The following TRABD2B variants were observed in gnomAD, a reference collection of about 807,000 sequenced individuals.
The protein encoded by TRABD2B is TraB domain containing 2B.
Under a neutral mutation model 40.1 loss-of-function variants are expected in TRABD2B, and 14 were observed. The ratio of observed to expected loss-of-function variants is 0.35; its 90% CI spans 0.23 to 0.55. The LOEUF (loss-of-function observed/expected upper bound fraction) is 0.55. Among genes scored for constraint, TRABD2B ranks in the 20% least tolerant of loss-of-function variants. The probability of loss-of-function intolerance (pLI) is 0.90; values close to 1 mark genes in which losing one functional copy is unlikely to be tolerated. For missense variants in TRABD2B, 541 were observed against 648.6 expected, an observed-to-expected ratio of 0.83 and a Z score of 1.80; for synonymous variants, 263 against 277.0, an observed-to-expected ratio of 0.95 and a Z score of 0.50.
chr1:47,933,513 C>T (rs1645068358), intron 2 of TRABD2B, among the ~76,000 whole-genome samples: 1 of 152,186 alleles, frequency 6.6e-6, no homozygotes, highest in Non-Finnish European at 1.5e-5. Flanking sequence ...TGTTACTCAG[C>T]TTTATATCTT....
intron 2 of TRABD2B, among the ~76,000 whole-genome samples, chr1:47,936,659 C>T (rs1645110452): frequency 1.3e-5 from 2 of 152,186 alleles, no homozygotes; most frequent in Admixed American, 6.5e-5. Context: ...AAACCTATTG[C>T]ACTCTCCTTG....
intron 2 of TRABD2B, among the ~76,000 whole-genome samples, chr1:47,978,739 G>A (rs576233690): frequency 2.6e-5 from 4 of 152,240 alleles, no homozygotes; most frequent in African/African-American, 7.2e-5. Flanking sequence ...CAGAGCTGAC[G>A]CCACTTCACA....
intron 5 of TRABD2B, 65 bp from the exon 6 acceptor site, chr1:47,775,504 T>C: frequency 8.2e-7 from 1 of 1,224,590 alleles, no homozygotes; most frequent in Non-Finnish European, 1.0e-6. Flanking sequence ...GTGGTGGGAA[T>C]ACAGTCCAAT....
intron 2 of TRABD2B, among the ~76,000 whole-genome samples, chr1:47,854,633 A>G (rs1234299358): frequency 6.6e-6 from 1 of 152,186 alleles, no homozygotes; most frequent in Non-Finnish European, 1.5e-5. Context: ...AGTGCTTTAG[A>G]CCCTGCTAGG....
intron 2 of TRABD2B, among the ~76,000 whole-genome samples, chr1:47,957,739 T>C (rs975053963): frequency 1.3e-5 from 2 of 152,202 alleles, no homozygotes; most frequent in African/African-American, 2.4e-5. Flanking sequence ...CTGATTGGTG[T>C]ACCTGAAAGT....
chr1:47,771,480 G>A (rs1382890675), intron 6 of TRABD2B, among the ~76,000 whole-genome samples: 2 of 152,196 alleles, frequency 1.3e-5, no homozygotes, highest in Non-Finnish European at 2.9e-5. Context: ...AGATGGCCCA[G>A]ACATTCTGCT....
intron 4 of TRABD2B, among the ~76,000 whole-genome samples, chr1:47,786,180 A>G (rs999065813): frequency 1.3e-5 from 2 of 152,230 alleles, no homozygotes; most frequent in African/African-American, 4.8e-5. Flanking sequence ...AAGTGAAGCA[A>G]CTGATCTGCC....
intron 2 of TRABD2B, among the ~76,000 whole-genome samples, chr1:47,836,951 T>C (rs1055826538): frequency 1.3e-5 from 2 of 152,254 alleles, no homozygotes; most frequent in African/African-American, 4.8e-5. Flanking sequence ...ACCCAGTCTA[T>C]GGCATTTAGG....
intron 2 of TRABD2B, among the ~76,000 whole-genome samples, chr1:47,817,913 G>A (rs541820120): frequency 2.4e-4 from 37 of 152,320 alleles, no homozygotes; most frequent in African/African-American, 8.4e-4. Flanking sequence ...CGTTTGAAGG[G>A]GATCAGGTTC....
intron 4 of TRABD2B, 96 bp downstream of exon 4, chr1:47,794,490 G>T: frequency 7.4e-7 from 1 of 1,351,968 alleles, no homozygotes; most frequent in Non-Finnish European, 9.7e-7. Context: ...CCCATCCTGG[G>T]CCTCGACTTC....
At chr1:47,923,557 T>C (rs1445456821) in intron 2 of TRABD2B, among the ~76,000 whole-genome samples, 1 of 152,226 alleles carries the variant, frequency 6.6e-6, no homozygotes, top group East Asian at 1.9e-4. Flanking sequence ...TGATGGTTAA[T>C]TTTATGTGTC....
chr1:47,932,931 T>C (rs1645058314), intron 2 of TRABD2B, among the ~76,000 whole-genome samples: 1 of 152,182 alleles, frequency 6.6e-6, no homozygotes, highest in Non-Finnish European at 1.5e-5. Context: ...TCCCAGAACG[T>C]GAGCTTGGGT....
chr1:47,766,578 G>A (rs983911347), intron 6 of TRABD2B, among the ~76,000 whole-genome samples: 1 of 152,194 alleles, frequency 6.6e-6, no homozygotes, highest in South Asian at 2.1e-4. Flanking sequence ...ACCGCTTGTT[G>A]AGCATCCATC....
intron 2 of TRABD2B, among the ~76,000 whole-genome samples, chr1:47,845,189 C>A (rs7548282): frequency 0.032 from 4,863 of 152,212 alleles, 273 homozygotes; most frequent in African/African-American, 0.11. Flanking sequence ...CCTTCCCACC[C>A]CTTTTTCTGC....
intron 2 of TRABD2B, among the ~76,000 whole-genome samples, chr1:47,823,673 G>A (rs1476981907): frequency 6.6e-6 from 1 of 152,160 alleles, no homozygotes; most frequent in African/African-American, 2.4e-5. Flanking sequence ...GTGAGAGAGA[G>A]GCCTTCAGCC....
At chr1:47,852,729 A>C (rs1021125805) in intron 2 of TRABD2B, among the ~76,000 whole-genome samples, 4 of 152,184 alleles carry the variant, frequency 2.6e-5, no homozygotes, top group Non-Finnish European at 5.9e-5. Context: ...CCCATTCTGC[A>C]GATGAAGAAA....
chr1:47,867,266 G>GA (rs900162430), intron 2 of TRABD2B, among the ~76,000 whole-genome samples: 1 of 152,040 alleles, frequency 6.6e-6, no homozygotes, highest in Non-Finnish European at 1.5e-5. Context: ...ACAAAGTGGG[G>GA]AAAAAAATGG....
intron 2 of TRABD2B, among the ~76,000 whole-genome samples, chr1:47,863,474 T>A (rs1003788991): frequency 2.0e-5 from 3 of 147,908 alleles, no homozygotes; most frequent in African/African-American, 5.0e-5. Flanking sequence ...CACCAAAGAA[T>A]GTACAGATGA....
intron 2 of TRABD2B, among the ~76,000 whole-genome samples, chr1:47,908,338 T>C (rs989442586): frequency 2.0e-5 from 3 of 152,178 alleles, no homozygotes; most frequent in Non-Finnish European, 4.4e-5. Flanking sequence ...CCTTTTACGA[T>C]GATTACATAA....
Sources: gnomAD v4.1 joint callset for allele counts (sites outside exome capture counted in the v4.1 genomes callset) on GRCh38, gnomAD v4.1.1 for gene constraint, MANE v1.5 for transcripts, NCBI Gene and HGNC (gene_info 2026-07-23, HGNC 2026-07-21) for gene names.